The following ZAP70 variants were observed in gnomAD, a reference collection of about 807,000 sequenced individuals.
The protein encoded by ZAP70 is zeta chain of T cell receptor associated protein kinase 70.
Under a neutral mutation model 65.8 loss-of-function variants are expected in ZAP70, and 27 were observed. The observed-to-expected ratio is 0.41, with a 90% CI of 0.30 to 0.57. ZAP70 has a LOEUF of 0.57. ZAP70 is among the 20% of genes least tolerant of loss of function. The pLI is 0.28. For synonymous variants in ZAP70, 363 were observed against 360.8 expected, an observed-to-expected ratio of 1.01 and a Z score of -0.07; for missense variants, 696 against 870.5, an observed-to-expected ratio of 0.80 and a Z score of 2.52.
chr2:97,729,033 G>GTGAGCCAC (rs1559323054), intron 4 of ZAP70, among the ~76,000 whole-genome samples: 2 of 152,358 alleles, frequency 1.3e-5, no homozygotes, highest in East Asian at 3.9e-4. Context: ...GATCACAGGC[G>GTGAGCCAC]TGAGCCACCG....
chr2:97,717,381 G>A (rs1313161394), intron 2 of ZAP70, among the ~76,000 whole-genome samples: 2 of 149,950 alleles, frequency 1.3e-5, no homozygotes, highest in Non-Finnish European at 3.0e-5. Context: ...GACATGCGGA[G>A]CCTCTGGCTG....
the ZAP70 span, among the ~76,000 whole-genome samples, chr2:97,745,499 G>A: frequency 6.6e-6 from 1 of 152,110 alleles, no homozygotes; most frequent in Non-Finnish European, 1.5e-5. Flanking sequence ...TCAATTAACT[G>A]GGCAAAAGAC....
rs1027522496 is a variant in ZAP70, at chr2:97,737,295, C to A, written c.1290-178C>A. Among the ~76,000 whole-genome samples the A allele has an allele frequency of 6.6e-6, 1 of 152,100 alleles. No homozygotes were observed. The highest frequency in any genetic ancestry group is 2.4e-5 in the African/African-American group (1 of 41,420). On this transcript the variant is annotated intron_variant, in intron 10 of 13. Coordinates refer to ENST00000264972, the MANE Select transcript of ZAP70 (RefSeq NM_001079.4). This position sits in a 1 kb window ranked among gnomAD's most constrained non-coding sequence, Gnocchi z 5.0. ...AGACTGGATGAAGGCAGGAGTTTTGCCTGTTTTGTTCACTGCTGTGTCCCC... is the reference window on the plus strand; with the variant it reads ...AGACTGGATGAAGGCAGGAGTTTTGACTGTTTTGTTCACTGCTGTGTCCCC...
At chr2:97,733,631 C>A (rs1677715406) in intron 8 of ZAP70, 36 bp downstream of exon 8, 1 of 1,612,354 alleles carries the variant, frequency 6.2e-7, no homozygotes, top group South Asian at 1.1e-5. Flanking sequence ...GGTTGGGGCT[C>A]ATGCTGAGCC....
At chr2:97,725,305 G>T (rs1468057045) in intron 4 of ZAP70, 53 bp downstream of exon 4, 2 of 1,601,026 alleles carry the variant, frequency 1.2e-6, no homozygotes, top group Non-Finnish European at 1.7e-6. Context: ...CGTTGGCAGG[G>T]ATCCTGGGGA....
chr2:97,745,867 A>T, the ZAP70 span, among the ~76,000 whole-genome samples: 1 of 152,268 alleles, frequency 6.6e-6, no homozygotes, highest in Admixed American at 6.5e-5. Flanking sequence ...TGTTCACTGC[A>T]GCATCATTCA....
chr2:97,734,569 C>T lies in ZAP70; in HGVS notation c.939C>T (p.Ser313=), dbSNP rs145218891. The change falls in exon 9 of 14, where the codon AGC becomes AGT. Residue 313 remains serine, a synonymous_variant. Coordinates refer to ENST00000264972, the MANE Select transcript of ZAP70 (RefSeq NM_001079.4). ...DKPRPMPMDT[S]VYESPYSDPE... Reference sequence around the variant, plus strand: ...CGCGGCCGATGCCCATGGACACGAGCGTGTATGAGAGCCCCTACAGCGACC... The same window carrying T: ...CGCGGCCGATGCCCATGGACACGAGTGTGTATGAGAGCCCCTACAGCGACC... 3.5e-5 allele frequency: 56 copies of T among 1,614,038 alleles called. No homozygotes were observed. Among genetic ancestry groups the T allele is most frequent in the Non-Finnish European group, 4.0e-5 (47 of 1,180,032 alleles).
chr2:97,723,896 T>G lies in ZAP70; in HGVS notation c.-21-120T>G, dbSNP rs776854550. 2.2e-3 allele frequency: 2,503 copies of G among 1,140,542 alleles called. 1 individual carries two copies. The highest frequency in any genetic ancestry group is 2.9e-3 in the Non-Finnish European group (2,344 of 810,932). 70.7% of individuals were successfully genotyped at this position (1,140,542 alleles called of 1,614,324 possible). On this transcript the variant is annotated intron_variant, in intron 2 of 13. Transcript: ENST00000264972. ...TGGCACAGAGCAGGCTCTGCCCCCT[T>G]GGCGAGCTCAGTCTGCGGCACTGAT...
intron 13 of ZAP70, 66 bp from the exon 14 acceptor site, chr2:97,739,309 C>T: frequency 6.2e-7 from 1 of 1,603,938 alleles, no homozygotes; most frequent in Non-Finnish European, 8.5e-7. Context: ...AGTGCATGCC[C>T]ACCCACTGGT....
intron 8 of ZAP70, 188 bp from the exon 9 acceptor site, chr2:97,734,332 C>T: frequency 7.0e-7 from 1 of 1,423,192 alleles, no homozygotes; most frequent in Non-Finnish European, 9.2e-7. Context: ...GGGGCACCCA[C>T]AGCTGTGGCC....
the ZAP70 span, among the ~76,000 whole-genome samples, chr2:97,755,942 CCT>C: frequency 6.6e-6 from 1 of 152,214 alleles, no homozygotes; most frequent in African/African-American, 2.4e-5. Flanking sequence ...TGACCTGGGG[CCT>C]CTGAGCCAGC....
rs893970783 is a variant in ZAP70 at position 97,737,034 on chromosome 2, G to C, written c.1290-439G>C. On this transcript the variant is annotated intron_variant, in intron 10 of 13. Coordinates refer to ENST00000264972, the MANE Select transcript of ZAP70 (RefSeq NM_001079.4). This position sits in a 1 kb window ranked among gnomAD's most constrained non-coding sequence, Gnocchi z 5.0. ...GGCAGAGGCAGAGATGAGGAGTGCG[G>C]TGGATTCTGGAGAGATTCTGACACC... is the stretch of plus-strand genomic sequence containing the variant. Among the ~76,000 whole-genome samples the C allele has an allele frequency of 3.3e-5, 5 of 152,142 alleles. No homozygotes were observed. Among genetic ancestry groups the C allele is most frequent in the African/African-American group, 9.7e-5 (4 of 41,418 alleles).
Position 97,733,610 on chromosome 2 carries a change from G to A in ZAP70, c.889+15G>A. 2 of 1,613,490 alleles carry A rather than the reference G, an allele frequency of 1.2e-6. No individual in the cohort carries two copies. Among genetic ancestry groups the A allele is most frequent in the African/African-American group, 1.3e-5 (1 of 75,010 alleles). On this transcript the variant is annotated intron_variant, in intron 8 of 13. Coordinates refer to ENST00000264972, the MANE Select transcript of ZAP70 (RefSeq NM_001079.4). ...CCCTGAGCCAGGTGAGCGGGCAGAG[G>A]TGGGGACGCGGGTTGGGGCTCATGC...
At chr2:97,735,548 G>A in intron 10 of ZAP70, 92 bp downstream of exon 10, 1 of 1,448,044 alleles carries the variant, frequency 6.9e-7, no homozygotes, top group Non-Finnish European at 9.4e-7. Context: ...GCGTGTGTGG[G>A]AAGCCGGGGC....
rs779465321 is a variant in ZAP70, at chr2:97,734,566, G to A, written c.936G>A (p.Thr312=). 11 of 1,614,036 alleles carry A rather than the reference G, an allele frequency of 6.8e-6. No homozygotes were observed. Among genetic ancestry groups the A allele is most frequent in the Admixed American group, 1.7e-5 (1 of 60,010 alleles). Residue 312 remains threonine, a synonymous_variant, in exon 9 of 14, where the codon ACG becomes ACA. Coordinates refer to ENST00000264972, the MANE Select transcript of ZAP70 (RefSeq NM_001079.4). ...PDKPRPMPMD[T]SVYESPYSDP... Reference sequence around the variant, plus strand: ...AACCGCGGCCGATGCCCATGGACACGAGCGTGTATGAGAGCCCCTACAGCG... The same window carrying A: ...AACCGCGGCCGATGCCCATGGACACAAGCGTGTATGAGAGCCCCTACAGCG...
chr2:97,741,220 T>C (rs1474000864), downstream of ZAP70, among the ~76,000 whole-genome samples: 4 of 152,130 alleles, frequency 2.6e-5, no homozygotes, highest in Non-Finnish European at 4.4e-5. Flanking sequence ...CCCATCTCAG[T>C]TTCCCTCCCA....
At chr2:97,720,602 T>C (rs934828233) in intron 2 of ZAP70, among the ~76,000 whole-genome samples, 3 of 152,200 alleles carry the variant, frequency 2.0e-5, no homozygotes, top group African/African-American at 7.2e-5. Flanking sequence ...TCCACCCGCC[T>C]TGATCTCCCA....
downstream of ZAP70, among the ~76,000 whole-genome samples, chr2:97,742,277 C>T (rs965718006): frequency 2.0e-5 from 3 of 152,226 alleles, no homozygotes; most frequent in African/African-American, 7.2e-5. Context: ...ATTTTAAAAA[C>T]ATTTTTTAAT....
Position 97,719,627 on chromosome 2 carries a change from C to T in ZAP70, c.-21-4389C>T, listed in dbSNP as rs146115314. 6.2e-3 allele frequency among the ~76,000 whole-genome samples: 947 copies of T among 152,126 alleles called. 10 individuals carry two copies. The highest frequency in any genetic ancestry group is 0.021 in the African/African-American group (886 of 41,474). ...CATAGGGACAGGAGTGTAGACAGCC[C>T]TTAATCACTTTTCCTATTTTCATTA... On this transcript the variant is annotated intron_variant, in intron 2 of 13. Coordinates refer to ENST00000264972, the MANE Select transcript of ZAP70 (RefSeq NM_001079.4).
Sources: allele counts gnomAD v4.1 joint callset (sites outside exome capture counted in the v4.1 genomes callset), GRCh38; gene constraint gnomAD v4.1.1; non-coding constraint Gnocchi (gnomAD v3.1); transcripts MANE v1.5; gene names NCBI Gene and HGNC (gene_info 2026-07-23, HGNC 2026-07-21).